CCDC18: variants seen among roughly 807,000 people sequenced by gnomAD.
CCDC18 encodes the protein coiled-coil domain-containing protein 18.
CCDC18 carries 157 observed loss-of-function variants against 196.0 expected under a neutral mutation model. The ratio of observed to expected loss-of-function variants is 0.80; its 90% CI spans 0.70 to 0.91. The LOEUF is 0.91. Among genes scored for constraint, CCDC18 ranks in the 40% least tolerant of loss-of-function variants. CCDC18 has a pLI of 0.00. For synonymous variants in CCDC18, 482 were observed against 529.2 expected, an observed-to-expected ratio of 0.91 and a Z score of 1.22; for missense variants, 1,465 against 1,611.6, an observed-to-expected ratio of 0.91 and a Z score of 1.56.
chr1:93,257,251 AAAAAAAAAC>A (rs1158508900), intron 25 of CCDC18, among the ~76,000 whole-genome samples: 14 of 149,038 alleles, frequency 9.4e-5, no homozygotes, highest in Non-Finnish European at 1.8e-4. Context: ...AAAAAAAAAA[AAAAAAAAAC>A]ATGAAAACTA....
rs1356768719 is a variant in CCDC18 at position 93,257,259 on chromosome 1, A to AC, written c.3546+722dup. ...AAAAAAAAAAAAAAAAAAAAAAAAA[A>AC]CATGAAAACTATCCAAATTTGTAAC... On this transcript the variant is annotated intron_variant, in intron 25 of 28. Coordinates refer to ENST00000690025, the MANE Select transcript of CCDC18 (RefSeq NM_001378204.1). Among the ~76,000 whole-genome samples, 42 of 149,300 alleles carry AC rather than the reference A, an allele frequency of 2.8e-4. 1 individual carries two copies. The highest frequency in any genetic ancestry group is 2.3e-3 in the East Asian group (12 of 5,134).
At position 93,264,876 on chromosome 1, in the gene CCDC18, C is replaced by G. The variant is rs775019586; in HGVS notation, c.3860C>G (p.Ala1287Gly). ...QVQDRNEVIE[A>G]ANEALLTKES... ...CAAGATAGGAATGAAGTAATTGAAG[C>G]TGCAAATGAAGCATTACTTACTAAA... is the stretch of plus-strand genomic sequence containing the variant. The change falls in exon 27 of 29, where the codon GCT becomes GGT. Residue 1287 changes from alanine (A) to glycine (G), a missense_variant. Transcript: ENST00000690025. 1.9e-6 allele frequency: 3 copies of G among 1,611,148 alleles called. No individual in the cohort carries two copies. The Admixed American group carries it at 5.0e-5, about 27-fold the overall frequency.
intron 17 of CCDC18, among the ~76,000 whole-genome samples, chr1:93,227,338 T>TC (rs1342144385): frequency 6.6e-6 from 1 of 151,678 alleles, no homozygotes; most frequent in East Asian, 1.9e-4. Context: ...TTTTGTATTT[T>TC]TTTTTTTTTA....
intron 14 of CCDC18, among the ~76,000 whole-genome samples, chr1:93,220,579 GA>G (rs1657256422): frequency 6.6e-6 from 1 of 152,166 alleles, no homozygotes; most frequent in Admixed American, 6.5e-5. Context: ...TGTAAAGGGG[GA>G]GGGGTAAAGG....
chr1:93,235,312 A>G (rs1659928308), intron 18 of CCDC18, among the ~76,000 whole-genome samples: 1 of 152,166 alleles, frequency 6.6e-6, no homozygotes, highest in Admixed American at 6.5e-5. Context: ...ATTGACTTGG[A>G]CAGATCCCTG....
At chr1:93,208,360 C>G (rs1655060271) in intron 9 of CCDC18, among the ~76,000 whole-genome samples, 1 of 146,782 alleles carries the variant, frequency 6.8e-6, no homozygotes, top group South Asian at 2.2e-4. Context: ...GACGGAGTCT[C>G]TCACTCTGTT....
rs754479053 is a variant in CCDC18 at position 93,221,633 on chromosome 1, G to A, written c.1987G>A (p.Asp663Asn). 8 of 1,546,272 alleles carry A rather than the reference G, an allele frequency of 5.2e-6. No homozygotes were observed. Among genetic ancestry groups the A allele is most frequent in the Admixed American group, 2.3e-5 (1 of 44,286 alleles). Residue 663 changes from aspartate (D) to asparagine (N), a missense_variant, in exon 15 of 29, where the codon GAC becomes AAC. By Grantham distance (23) the Asp-to-Asn change is conservative. Coordinates refer to ENST00000690025, the MANE Select transcript of CCDC18 (RefSeq NM_001378204.1). ...ERLEAQLEKKDQQFKEQEKTM... is the reference protein window; with the variant it reads ...ERLEAQLEKKNQQFKEQEKTM... ...GCTTGAAGCTCAACTAGAGAAAAAG[G>A]ACCAACAATTTAAAGAACAAGAAAA...
intron 7 of CCDC18, among the ~76,000 whole-genome samples, chr1:93,203,384 C>T (rs1373857038): frequency 6.6e-6 from 1 of 151,918 alleles, no homozygotes; most frequent in Non-Finnish European, 1.5e-5. Context: ...ATCTATAGGT[C>T]TGGATTTAGA....
In CCDC18 at chr1:93,183,369, C is replaced by A; in HGVS notation, c.8C>A (p.Ser3Tyr). Residue 3 changes from serine to tyrosine, a missense_variant, in exon 2 of 29, where the codon TCT (serine) becomes TAT (tyrosine). Ser to Tyr is a moderately radical substitution (Grantham distance 144). Transcript: ENST00000690025. ...TCATTTTTTTTTTAAGAAATGGAAT[C>A]TAGTTCATCAGACTACTATAATAAA... ME[S>Y]SSSDYYNKDN... is the part of the protein sequence containing the mutation. 1.3e-6 allele frequency: 2 copies of A among 1,550,066 alleles called. No individual in the cohort carries two copies. The highest frequency in any genetic ancestry group is 1.7e-6 in the Non-Finnish European group (2 of 1,147,082).
chr1:93,201,861 C>A, intron 6 of CCDC18, 31 bp from the exon 7 acceptor site: 2 of 1,396,028 alleles, frequency 1.4e-6, no homozygotes, highest in Non-Finnish European at 2.0e-6. Context: ...GCATTCTTCA[C>A]TTTTATTCAT....
chr1:93,220,441 A>G (rs1467062186), intron 14 of CCDC18, among the ~76,000 whole-genome samples: 1 of 147,818 alleles, frequency 6.8e-6, no homozygotes, highest in African/African-American at 2.7e-5. Context: ...TCAGGAATAA[A>G]GGAAGAACAA....
rs1338391317 is a variant in CCDC18 at position 93,207,184 on chromosome 1, A to G, written c.995A>G (p.Gln332Arg). The G allele has an allele frequency of 6.2e-7, 1 of 1,610,194 alleles. No individual in the cohort carries two copies. The highest frequency in any genetic ancestry group is 8.5e-7 in the Non-Finnish European group (1 of 1,176,820). The change falls in exon 9 of 29, where the codon CAA becomes CGA. Residue 332 changes from glutamine (Q) to arginine (R), a missense_variant. Coordinates refer to ENST00000690025, the MANE Select transcript of CCDC18 (RefSeq NM_001378204.1). Reference protein sequence around the residue: ...MAVKNSEVMAQLTESRQSILK... With the variant: ...MAVKNSEVMARLTESRQSILK... The stretch of plus-strand genomic sequence containing the variant: ...GTGAAAAATTCAGAAGTCATGGCAC[A>G]ACTAACTGAATCTAGACAAAGTATT...
In CCDC18 at chr1:93,239,425, A is replaced by AT; in HGVS notation, c.2720dup (p.Met907IlefsTer28). On this transcript the variant is annotated frameshift_variant, in exon 20 of 29. Coordinates refer to ENST00000690025, the MANE Select transcript of CCDC18 (RefSeq NM_001378204.1). LOFTEE classifies it high-confidence loss of function. ...AGCAATGCACCTCTCTCAATTAGAT[A>AT]TGATCTTAGATCAGACAAAGACAGA... 2 of 1,613,192 alleles carry AT rather than the reference A, an allele frequency of 1.2e-6. No homozygotes were observed. Among genetic ancestry groups the AT allele is most frequent in the East Asian group, 4.5e-5 (2 of 44,780 alleles).
intron 22 of CCDC18, 65 bp from the exon 23 acceptor site, chr1:93,246,773 T>G: frequency 1.3e-6 from 1 of 751,882 alleles, no homozygotes; most frequent in Non-Finnish European, 2.3e-6. Flanking sequence ...TTACAAAGCC[T>G]ATTCTAAGCA....
intron 7 of CCDC18, among the ~76,000 whole-genome samples, chr1:93,203,771 C>T (rs1182008285): frequency 6.6e-6 from 1 of 151,692 alleles, no homozygotes; most frequent in Non-Finnish European, 1.5e-5. Context: ...TTAGAGGCTG[C>T]ATTAAGCCAT....
At position 93,210,924 on chromosome 1, in the gene CCDC18, G is replaced by C; in HGVS notation, c.1332G>C (p.Leu444Phe). ...CAAATAAATTGGTGATTTCGGAATT[G>C]AGGTACAATTTTCAGATTCTGCAGT... The part of the protein sequence containing the change: ...CEANKLVISE[L>F]RIKLAIKEAE... Residue 444 changes from leucine (L) to phenylalanine (F), a missense_variant and splice_region_variant, in exon 10 of 29, where the codon TTG (leucine) becomes TTC (phenylalanine). Transcript: ENST00000690025. 6.2e-7 allele frequency: 1 copy of C among 1,613,344 alleles called. No homozygotes were observed. Among genetic ancestry groups the C allele is most frequent in the South Asian group, 1.1e-5 (1 of 90,978 alleles).
At chr1:93,183,233 C>A (rs996234499) in intron 1 of CCDC18, 127 bp from the exon 2 acceptor site, 11 of 626,910 alleles carry the variant, frequency 1.8e-5, no homozygotes, top group African/African-American at 1.7e-4. Context: ...TTGTTTTAAA[C>A]CACCATGAAA....
intron 23 of CCDC18, among the ~76,000 whole-genome samples, chr1:93,251,276 CAATTA>C (rs1235121464): frequency 6.6e-6 from 1 of 151,994 alleles, no homozygotes; most frequent in African/African-American, 2.4e-5. Flanking sequence ...TTTGGTGTTC[CAATTA>C]AATTGTTATA....
chr1:93,216,049 T>C (rs1429805580), intron 12 of CCDC18, among the ~76,000 whole-genome samples: 2 of 152,218 alleles, frequency 1.3e-5, no homozygotes, highest in East Asian at 3.8e-4. Flanking sequence ...TTAAAGTCTA[T>C]AGCCAAGGCT....
Sources: allele counts gnomAD v4.1 joint callset (sites outside exome capture counted in the v4.1 genomes callset), GRCh38; gene constraint gnomAD v4.1.1; transcripts MANE v1.5; gene names NCBI Gene and HGNC (gene_info 2026-07-23, HGNC 2026-07-21).